CACNA1B: variants seen among roughly 807,000 people sequenced by gnomAD.
CACNA1B encodes the protein voltage-dependent N-type calcium channel subunit alpha-1B.
Under a neutral mutation model 247.2 loss-of-function variants are expected in CACNA1B, and 70 were observed. The ratio of observed to expected loss-of-function variants is 0.28; its 90% CI spans 0.23 to 0.35. The LOEUF (loss-of-function observed/expected upper bound fraction) is 0.35, where lower values mean the gene tolerates loss of function less well. CACNA1B is among the 10% of genes least tolerant of loss of function. The probability of loss-of-function intolerance (pLI) is 1.00; values close to 1 mark genes in which losing one functional copy is unlikely to be tolerated. For synonymous variants in CACNA1B, 1,231 were observed against 1,294.4 expected, an observed-to-expected ratio of 0.95 and a Z score of 1.05; for missense variants, 2,367 against 3,197.4, an observed-to-expected ratio of 0.74 and a Z score of 6.26.
rs779054539 is a variant in CACNA1B at position 137,986,892 on chromosome 9, C to T, written c.1974+38C>T. On this transcript the variant is annotated intron_variant, in intron 15 of 46. Transcript: ENST00000371372. The surrounding 1 kb of genome is among the most constrained non-coding windows in gnomAD (Gnocchi z 6.0). ...CTCTGCACATTTGCGGCCTGCCCGG[C>T]TCCCGTCTCCCCTGGGTGCTGGGAA... 1 of 1,474,356 alleles carries T rather than the reference C, an allele frequency of 6.8e-7. No homozygotes were observed. Among genetic ancestry groups the T allele is most frequent in the Non-Finnish European group, 9.5e-7 (1 of 1,053,910 alleles). The allele number at this position is 1,474,356 out of a possible 1,614,324, so 91.3% of individuals were successfully genotyped here. A position where few individuals can be genotyped will look rare whatever the true frequency, so the allele number is the denominator to read the frequency against.
At chr9:138,060,855 T>G (rs1052301623) in intron 31 of CACNA1B, among the ~76,000 whole-genome samples, 1 of 152,132 alleles carries the variant, frequency 6.6e-6, no homozygotes, top group African/African-American at 2.4e-5. Context: ...AGAGCTGGTG[T>G]TCATCATCCC....
At chr9:138,036,027 G>A (rs771203021) in intron 20 of CACNA1B, among the ~76,000 whole-genome samples, 4 of 151,982 alleles carry the variant, frequency 2.6e-5, no homozygotes, top group Non-Finnish European at 5.9e-5. Context: ...CTTTTCCTAT[G>A]TTTTGCAGTT....
chr9:137,916,079 C>T (rs547606482), intron 5 of CACNA1B, among the ~76,000 whole-genome samples: 145 of 144,006 alleles, frequency 1.0e-3, no homozygotes, highest in Middle Eastern at 7.8e-3. Flanking sequence ...GTTGCCCAGG[C>T]TGGGGGGCAG....
At position 137,880,156 on chromosome 9, in the gene CACNA1B, G is replaced by A. The variant is rs182405167; in HGVS notation, c.390+997G>A. Among the ~76,000 whole-genome samples the A allele has an allele frequency of 3.9e-3, 593 of 152,336 alleles. 2 individuals are homozygous for A. Among genetic ancestry groups the A allele is most frequent in the Non-Finnish European group, 5.6e-3 (384 of 68,034 alleles). On this transcript the variant is annotated intron_variant, in intron 2 of 46. Transcript: ENST00000371372. This position sits in a 1 kb window ranked among gnomAD's most constrained non-coding sequence, Gnocchi z 4.8. ...GAACTCCCTTTGAACCTGGGCCACC[G>A]CAGGCCCAGGAGTGCAGAAGGGGAG...
intron 31 of CACNA1B, among the ~76,000 whole-genome samples, chr9:138,062,682 A>G (rs543025920): frequency 2.0e-5 from 3 of 152,258 alleles, no homozygotes; most frequent in South Asian, 2.1e-4. Context: ...GGGTGTCTGC[A>G]CTGACTTCTC....
chr9:138,068,693 T>C (rs1222346815), intron 31 of CACNA1B: 1 of 509,336 alleles, frequency 2.0e-6, no homozygotes, highest in African/African-American at 1.9e-5. Flanking sequence ...GGAGGGGTGG[T>C]TTCTGCGTGT....
intron 3 of CACNA1B, among the ~76,000 whole-genome samples, chr9:137,912,969 GCCT>G (rs1161926592): frequency 1.3e-5 from 2 of 152,124 alleles, no homozygotes; most frequent in African/African-American, 4.8e-5. Context: ...TTCAGTTCCT[GCCT>G]CCTCTCACCT....
At chr9:137,996,098 G>T (rs1958497530) in intron 15 of CACNA1B, among the ~76,000 whole-genome samples, 1 of 152,202 alleles carries the variant, frequency 6.6e-6, no homozygotes, top group Admixed American at 6.5e-5. Flanking sequence ...ACATTGTGGA[G>T]TTTCCTTAAA....
chr9:137,948,924 C>T (rs905401313), intron 6 of CACNA1B, among the ~76,000 whole-genome samples: 1 of 107,102 alleles, frequency 9.3e-6, no homozygotes, highest in African/African-American at 3.7e-5. Context: ...TGTGGTGTCT[C>T]TGTGGTGTGT....
chr9:137,989,678 G>T (rs913085788), intron 15 of CACNA1B, among the ~76,000 whole-genome samples: 2 of 152,176 alleles, frequency 1.3e-5, no homozygotes, highest in African/African-American at 4.8e-5. Context: ...TATTCGCCAA[G>T]AATTCTGAAT....
intron 21 of CACNA1B, among the ~76,000 whole-genome samples, chr9:138,045,818 C>T (rs1959178894): frequency 6.6e-6 from 1 of 152,158 alleles, no homozygotes; most frequent in South Asian, 2.1e-4. Context: ...GACACAGGGG[C>T]AGGAGCTAGA....
rs1263032468 is a variant in CACNA1B, at chr9:138,118,002, A to T, written c.5834A>T (p.Gln1945Leu). 1 of 1,601,390 alleles carries T rather than the reference A, an allele frequency of 6.2e-7. No homozygotes were observed. Among genetic ancestry groups the T allele is most frequent in the Admixed American group, 1.7e-5 (1 of 58,910 alleles). Reference sequence around the variant, plus strand: ...GTCTCCTGGGGCACTCAAAGGACCCAGGATGCACCCCATGAGGCCAGGCCA... The same window carrying T: ...GTCTCCTGGGGCACTCAAAGGACCCTGGATGCACCCCATGAGGCCAGGCCA... Reference protein sequence around the residue: ...ESVSWGTQRTQDAPHEARPPL... With the variant: ...ESVSWGTQRTLDAPHEARPPL... The change falls in exon 43 of 47, where the codon CAG (glutamine) becomes CTG (leucine). Residue 1945 changes from glutamine (Q) to leucine (L), a missense_variant. Gln to Leu is a moderately radical substitution (Grantham distance 113). This residue lies in a region of CACNA1B where 773 missense variants were observed against 779.4 expected (regional missense o/e 0.99). Coordinates refer to ENST00000371372, the MANE Select transcript of CACNA1B (RefSeq NM_000718.4).
At position 137,886,501 on chromosome 9, in the gene CACNA1B, C is replaced by T. The variant is rs73668140; in HGVS notation, c.530+3618C>T. On this transcript the variant is annotated intron_variant, in intron 3 of 46. Coordinates refer to ENST00000371372, the MANE Select transcript of CACNA1B (RefSeq NM_000718.4). ...GCCAGCCCTCCCTCCACCTGTTCAT[C>T]ATTCATTCATTCAGTGTTCATGGAG... Among the ~76,000 whole-genome samples, 332 of 151,440 alleles carry T rather than the reference C, an allele frequency of 2.2e-3. 3 individuals are homozygous for T. Among genetic ancestry groups the T allele is most frequent in the African/African-American group, 7.8e-3 (320 of 41,268 alleles).
rs117134260 is a variant in CACNA1B at position 138,014,114 on chromosome 9, C to T, written c.2267+879C>T. On this transcript the variant is annotated intron_variant, in intron 18 of 46. Coordinates refer to ENST00000371372, the MANE Select transcript of CACNA1B (RefSeq NM_000718.4). This position sits in a 1 kb window ranked among gnomAD's most constrained non-coding sequence, Gnocchi z 6.2. The stretch of plus-strand genomic sequence containing the variant: ...GCATCTGTAGTGACGTGTGTCTGCA[C>T]TTCTGTGTAAGCATGTTGGCATGTG... Among the ~76,000 whole-genome samples, 86 of 152,358 alleles carry T rather than the reference C, an allele frequency of 5.6e-4. 2 individuals carry two copies. In the East Asian group the frequency reaches 0.013, roughly 24 times the overall value.
intron 32 of CACNA1B, among the ~76,000 whole-genome samples, chr9:138,071,945 A>G (rs1960148064): frequency 6.6e-6 from 1 of 151,808 alleles, no homozygotes; most frequent in Non-Finnish European, 1.5e-5. Flanking sequence ...TTGACACGGG[A>G]CTGCGGCCCT....
At chr9:138,076,400 A>T (rs995792545) in intron 35 of CACNA1B, among the ~76,000 whole-genome samples, 5 of 152,198 alleles carry the variant, frequency 3.3e-5, no homozygotes, top group Non-Finnish European at 2.9e-5. Context: ...TGGCCCAAGG[A>T]ACCCAACTGA....
At chr9:137,984,102 T>C in intron 12 of CACNA1B, 36 bp from the exon 13 acceptor site, 1 of 1,460,852 alleles carries the variant, frequency 6.8e-7, no homozygotes. Context: ...CAGGTGCAGA[T>C]ACGGTGCACC....
At chr9:138,069,073 C>T (rs893995221) in intron 31 of CACNA1B, among the ~76,000 whole-genome samples, 3 of 152,224 alleles carry the variant, frequency 2.0e-5, no homozygotes, top group African/African-American at 7.2e-5. Flanking sequence ...CAGCTGTCCC[C>T]TGGCCACTCT....
chr9:138,086,620 AT>A (rs1960701195), intron 36 of CACNA1B, among the ~76,000 whole-genome samples: 1 of 151,326 alleles, frequency 6.6e-6, no homozygotes, highest in Admixed American at 6.6e-5. Flanking sequence ...ACAATTGTCA[AT>A]ATATATGGAC....
Sources: allele counts gnomAD v4.1 joint callset (sites outside exome capture counted in the v4.1 genomes callset), GRCh38; gene constraint gnomAD v4.1.1; regional missense constraint gnomAD v4.1.1; non-coding constraint Gnocchi (gnomAD v3.1); transcripts MANE v1.5; gene names NCBI Gene and HGNC (gene_info 2026-07-23, HGNC 2026-07-21).